Variants in EXOC6B observed in about 807,000 individuals in gnomAD.
EXOC6B encodes the protein SEC15 homolog B.
In EXOC6B, 54 loss-of-function variants were observed where a neutral mutation model predicts 113.5. The observed-to-expected ratio is 0.48, with a 90% CI of 0.38 to 0.60. EXOC6B has a LOEUF of 0.60. Ranked by LOEUF, EXOC6B falls within the 20% of genes least tolerant of loss-of-function variation. The probability of loss-of-function intolerance (pLI) is 0.00; values close to 1 mark genes in which losing one functional copy is unlikely to be tolerated. For missense variants in EXOC6B, 797 were observed against 977.5 expected, an observed-to-expected ratio of 0.82 and a Z score of 2.46; for synonymous variants, 357 against 339.0, an observed-to-expected ratio of 1.05 and a Z score of -0.58.
At chr2:72,309,460 C>A (rs1302306842) in intron 20 of EXOC6B, among the ~76,000 whole-genome samples, 1 of 152,136 alleles carries the variant, frequency 6.6e-6, no homozygotes, top group Non-Finnish European at 1.5e-5. Flanking sequence ...GACACTAAAT[C>A]ATAATAGCAT....
intron 6 of EXOC6B, among the ~76,000 whole-genome samples, chr2:72,601,764 G>A (rs1284206293): frequency 6.6e-6 from 1 of 152,044 alleles, no homozygotes; most frequent in Admixed American, 6.6e-5. Context: ...AACCTTAGAA[G>A]CACCAAAGAT....
chr2:72,485,259 T>C lies in EXOC6B; in HGVS notation c.1666-4509A>G, dbSNP rs1200684823. On this transcript the variant is annotated intron_variant, in intron 16 of 21. Coordinates refer to ENST00000272427, the MANE Select transcript of EXOC6B (RefSeq NM_015189.3). Reference sequence around the variant, plus strand: ...CTTAAATTCCAAGAAGATGTTTCCATTCCCAACTATAAATTAATTCTGGAG... The same window carrying C: ...CTTAAATTCCAAGAAGATGTTTCCACTCCCAACTATAAATTAATTCTGGAG... Among the ~76,000 whole-genome samples the C allele has an allele frequency of 2.0e-5, 3 of 152,220 alleles. No homozygotes were observed. The East Asian group carries it at 5.8e-4, about 29-fold the overall frequency.
intron 6 of EXOC6B, among the ~76,000 whole-genome samples, chr2:72,603,804 G>A (rs1166714420): frequency 6.6e-6 from 1 of 152,018 alleles, no homozygotes; most frequent in Non-Finnish European, 1.5e-5. Flanking sequence ...AGCCATGAAG[G>A]GCACTTTATA....
intron 6 of EXOC6B, among the ~76,000 whole-genome samples, chr2:72,715,115 A>G (rs1679522769): frequency 6.6e-6 from 1 of 151,810 alleles, no homozygotes; most frequent in East Asian, 1.9e-4. Flanking sequence ...AAATACAGAA[A>G]ACTAGGGAGG....
chr2:72,682,867 T>C (rs941382554), intron 6 of EXOC6B, among the ~76,000 whole-genome samples: 4 of 152,212 alleles, frequency 2.6e-5, no homozygotes, highest in Non-Finnish European at 5.9e-5. Context: ...CTGGATGAGA[T>C]ATATCCACTA....
chr2:72,258,858 C>T (rs1683523408), intron 20 of EXOC6B, among the ~76,000 whole-genome samples: 1 of 152,142 alleles, frequency 6.6e-6, no homozygotes. Context: ...AATTTTCAAA[C>T]ATACAGATAG....
rs141907662 is a variant in EXOC6B, at chr2:72,453,635, T to C, written c.1980+11525A>G. ...CATAAATACATAACATTTCACTGAA[T>C]AATAGTATTAAAGTTTATATAACAG... On this transcript the variant is annotated intron_variant, in intron 18 of 21. Transcript: ENST00000272427. Among the ~76,000 whole-genome samples the C allele has an allele frequency of 9.1e-4, 138 of 152,332 alleles. 4 individuals carry two copies. Among genetic ancestry groups the C allele is most frequent in the Middle Eastern group, 3.4e-3 (1 of 294 alleles).
intron 8 of EXOC6B, among the ~76,000 whole-genome samples, chr2:72,557,247 CA>C (rs1199792020): frequency 9.0e-6 from 1 of 111,252 alleles, no homozygotes; most frequent in Non-Finnish European, 1.7e-5. Flanking sequence ...GGCTTGTAAA[CA>C]ATGAATGAAT....
rs191546465 is a variant in EXOC6B at position 72,282,110 on chromosome 2, C to T, written c.2196+52837G>A. On this transcript the variant is annotated intron_variant, in intron 20 of 21. Transcript: ENST00000272427. ...AAAGACTTTTCCAGGCAAACAAAAG[C>T]TGAGATGATTCAACATCTGTAGGCC... is the stretch of plus-strand genomic sequence containing the variant. Among the ~76,000 whole-genome samples the T allele has an allele frequency of 1.2e-4, 19 of 152,182 alleles. No homozygotes were observed. The East Asian group carries it at 3.7e-3, about 29-fold the overall frequency.
In EXOC6B at chr2:72,179,406, G is replaced by A. The variant is rs373699906; in HGVS notation, c.2365C>T (p.Arg789Ter). 2 of 1,613,670 alleles carry A rather than the reference G, an allele frequency of 1.2e-6. No individual in the cohort carries two copies. Among genetic ancestry groups the A allele is most frequent in the Non-Finnish European group, 1.7e-6 (2 of 1,179,818 alleles). The change falls in exon 22 of 22, where the codon CGA (arginine) becomes TGA (stop). Residue 789 changes from arginine (R) to a stop codon, truncating the protein, a stop_gained. Coordinates refer to ENST00000272427, the MANE Select transcript of EXOC6B (RefSeq NM_015189.3). LOFTEE classifies it high-confidence loss of function. ...GTGTCAATGAGTTTCTGCTTGTCTC[G>A]CTCATTTTTCCGAAACTGTGCAAAC... Reference protein sequence around the residue: ...NMFAQFRKNERDKQKLIDTVA... With the variant: ...NMFAQFRKNE
chr2:72,442,565 A>C (rs907521537), intron 18 of EXOC6B, among the ~76,000 whole-genome samples: 1 of 152,214 alleles, frequency 6.6e-6, no homozygotes, highest in Non-Finnish European at 1.5e-5. Context: ...AAATCAATGT[A>C]TAAAAATCAC....
At chr2:72,398,872 CT>C (rs1280329026) in intron 18 of EXOC6B, among the ~76,000 whole-genome samples, 5 of 151,834 alleles carry the variant, frequency 3.3e-5, no homozygotes, top group African/African-American at 1.2e-4. Context: ...TCAAGAAACT[CT>C]TTGGTATCTA....
intron 11 of EXOC6B, among the ~76,000 whole-genome samples, chr2:72,506,988 A>C (rs532710829): frequency 6.6e-6 from 1 of 152,208 alleles, no homozygotes; most frequent in Non-Finnish European, 1.5e-5. Flanking sequence ...ATATTGCTAA[A>C]TTTACTAAGT....
intron 11 of EXOC6B, among the ~76,000 whole-genome samples, chr2:72,501,763 CTT>C (rs34702887): frequency 0.83 from 116,540 of 139,584 alleles, 49,318 homozygotes; most frequent in East Asian, 0.95. Context: ...AAAAAAAACA[CTT>C]TTTTTTTTTT....
At chr2:72,257,890 G>A (rs925541374) in intron 20 of EXOC6B, among the ~76,000 whole-genome samples, 35 of 152,124 alleles carry the variant, frequency 2.3e-4, no homozygotes, top group African/African-American at 8.0e-4. Context: ...TCTCTTTGAA[G>A]AGTTGGAGTT....
chr2:72,536,280 A>T (rs912483005), intron 8 of EXOC6B, among the ~76,000 whole-genome samples: 10 of 152,184 alleles, frequency 6.6e-5, no homozygotes, highest in Admixed American at 5.9e-4. Flanking sequence ...TAAAATAAAC[A>T]TGTATAGTAT....
intron 6 of EXOC6B, among the ~76,000 whole-genome samples, chr2:72,628,280 C>G (rs987151849): frequency 6.6e-6 from 1 of 151,762 alleles, no homozygotes; most frequent in Non-Finnish European, 1.5e-5. Flanking sequence ...TGCACCACCA[C>G]TGCTGCCTAA....
intron 20 of EXOC6B, among the ~76,000 whole-genome samples, chr2:72,291,084 A>G (rs567957587): frequency 5.3e-5 from 8 of 152,320 alleles, no homozygotes; most frequent in Admixed American, 2.0e-4. Flanking sequence ...TAAACGTTTG[A>G]AAATATTAAT....
intron 6 of EXOC6B, among the ~76,000 whole-genome samples, chr2:72,606,638 T>C (rs1269870998): frequency 6.6e-6 from 1 of 151,864 alleles, no homozygotes; most frequent in Non-Finnish European, 1.5e-5. Context: ...TTTCTTTCTT[T>C]TTTTTTTTTA....
Sources: gnomAD v4.1 joint callset for allele counts (sites outside exome capture counted in the v4.1 genomes callset) on GRCh38, gnomAD v4.1.1 for gene constraint, MANE v1.5 for transcripts, NCBI Gene and HGNC (gene_info 2026-07-23, HGNC 2026-07-21) for gene names.